NDRG4: variants seen among roughly 807,000 people sequenced by gnomAD.
NDRG4 encodes NDRG family member 4.
In NDRG4, 38 loss-of-function variants were observed where a neutral mutation model predicts 55.8. The ratio of observed to expected loss-of-function variants is 0.68; its 90% confidence interval spans 0.53 to 0.89. The LOEUF (loss-of-function observed/expected upper bound fraction) is 0.89, where lower values mean the gene tolerates loss of function less well. Ranked by LOEUF, NDRG4 falls within the 40% of genes least tolerant of loss-of-function variation. NDRG4 has a pLI of 0.00. For synonymous variants in NDRG4, 190 were observed against 182.7 expected (o/e 1.04, Z -0.32); for missense variants, 455 against 468.6 (o/e 0.97, Z 0.27).
intron 1 of NDRG4, among the ~76,000 whole-genome samples, chr16:58,472,489 C>T (rs559875759): frequency 3.9e-5 from 6 of 152,280 alleles, no homozygotes; most frequent in East Asian, 3.9e-4. Context: ...CACTGGGGCC[C>T]GGCTGCCTGT....
intron 2 of NDRG4, among the ~76,000 whole-genome samples, chr16:58,491,452 T>A (rs1426302222): frequency 1.3e-5 from 1 of 76,628 alleles, no homozygotes; most frequent in African/African-American, 5.4e-5. Context: ...TCCATCCTTT[T>A]CACTTTTTTT....
chr16:58,487,764 C>T, exon 2 of NDRG4: 1 of 1,542,472 alleles, frequency 6.5e-7, no homozygotes, highest in Non-Finnish European at 8.7e-7. Flanking sequence ...AGGCCTCCTG[C>T]TCCACGACGT....
intron 1 of NDRG4, among the ~76,000 whole-genome samples, chr16:58,474,285 C>A (rs2033313243): frequency 6.6e-6 from 1 of 152,188 alleles, no homozygotes; most frequent in Non-Finnish European, 1.5e-5. Context: ...TCAAGCCGTG[C>A]ACCTGCCTTA....
At chr16:58,471,670 C>T (rs964639539) in intron 1 of NDRG4, among the ~76,000 whole-genome samples, 9 of 152,242 alleles carry the variant, frequency 5.9e-5, no homozygotes, top group South Asian at 2.1e-4. Flanking sequence ...TGGAATGTAT[C>T]GCCAGCCAGA....
At chr16:58,506,212 CTG>C (rs772748535) in intron 5 of NDRG4, 173 bp from the exon 6 acceptor site, 2 of 686,822 alleles carry the variant, frequency 2.9e-6, no homozygotes, top group South Asian at 3.0e-5. Flanking sequence ...AATCCAAGAA[CTG>C]TGAAGGGTTC....
chr16:58,515,009 A>G (rs183793323), downstream of NDRG4, among the ~76,000 whole-genome samples: 55 of 152,324 alleles, frequency 3.6e-4, no homozygotes, highest in Non-Finnish European at 6.6e-4. Context: ...GTACTGGCAA[A>G]TAAGGGCAGA....
intron 10 of NDRG4, among the ~76,000 whole-genome samples, chr16:58,508,743 G>A (rs899114071): frequency 1.4e-4 from 21 of 152,224 alleles, no homozygotes; most frequent in African/African-American, 4.8e-4. Context: ...TGGGCTCCAA[G>A]GGTCCCAGGC....
chr16:58,494,270 T>C (rs967809010), intron 2 of NDRG4, among the ~76,000 whole-genome samples: 4 of 152,188 alleles, frequency 2.6e-5, no homozygotes, highest in African/African-American at 9.6e-5. Flanking sequence ...CGACCAGGTC[T>C]GGAGAGGTGG....
chr16:58,504,732 C>T, intron 5 of NDRG4, 83 bp downstream of exon 5: 1 of 1,498,358 alleles, frequency 6.7e-7, no homozygotes, highest in African/African-American at 1.4e-5. Flanking sequence ...GGGAACCCTT[C>T]AGCCTTGAGG....
chr16:58,493,642 T>C (rs2036043593), intron 2 of NDRG4, among the ~76,000 whole-genome samples: 1 of 152,228 alleles, frequency 6.6e-6, no homozygotes, highest in Non-Finnish European at 1.5e-5. Flanking sequence ...GGCAGAACGA[T>C]GGGCAACACT....
At chr16:58,500,499 G>A in intron 1 of NDRG4, 1 of 562,274 alleles carries the variant, frequency 1.8e-6, no homozygotes, top group South Asian at 2.1e-5. Flanking sequence ...AGCAGGGGCT[G>A]GGGGGAGCGT....
At chr16:58,498,553 A>G (rs2036667342), upstream of NDRG4, among the ~76,000 whole-genome samples, 1 of 152,182 alleles carries the variant, frequency 6.6e-6, no homozygotes, top group Non-Finnish European at 1.5e-5. Flanking sequence ...TCAGCAAGAC[A>G]GGGAGAGGAA....
At chr16:58,497,806 C>A (rs2036578618), upstream of NDRG4, among the ~76,000 whole-genome samples, 1 of 152,316 alleles carries the variant, frequency 6.6e-6, no homozygotes, top group Middle Eastern at 3.4e-3. Flanking sequence ...GAGAGGCACA[C>A]AGGCTGCCTC....
At chr16:58,498,239 G>C (rs2036625628), upstream of NDRG4, among the ~76,000 whole-genome samples, 1 of 152,138 alleles carries the variant, frequency 6.6e-6, no homozygotes, top group Non-Finnish European at 1.5e-5. Flanking sequence ...CTCTTCCTGT[G>C]CCACAGTGCC....
Position 58,464,971 on chromosome 16 carries a change from A to T in NDRG4, c.-24+1174A>T, listed in dbSNP as rs2151525031. The T allele has an allele frequency of 2.5e-6, 3 of 1,196,318 alleles. No homozygotes were observed. Among genetic ancestry groups the T allele is most frequent in the South Asian group, 1.5e-5 (1 of 65,964 alleles). The allele number at this position is 1,196,318 out of a possible 1,614,324, so 74.1% of individuals were successfully genotyped here. A position where few individuals can be genotyped will look rare whatever the true frequency, so the allele number is the denominator to read the frequency against. Reference sequence around the variant, plus strand: ...TGGACCCTACTGACTGGGGACCCTCAGCCTTGGGGCTCCTCTGGAGAAGTG... The same window carrying T: ...TGGACCCTACTGACTGGGGACCCTCTGCCTTGGGGCTCCTCTGGAGAAGTG... On this transcript the variant is annotated intron_variant, in intron 1 of 15. Coordinates refer to the NDRG4 transcript ENST00000258187. The surrounding 1 kb of genome is among the most constrained non-coding windows in gnomAD (Gnocchi z 4.8).
chr16:58,472,904 C>T (rs775058126), intron 1 of NDRG4, among the ~76,000 whole-genome samples: 1 of 152,116 alleles, frequency 6.6e-6, no homozygotes, highest in Non-Finnish European at 1.5e-5. Flanking sequence ...GGCCACCCAA[C>T]CCCTCTGTCT....
intron 1 of NDRG4, among the ~76,000 whole-genome samples, chr16:58,478,414 A>T (rs1379800318): frequency 6.6e-6 from 1 of 151,698 alleles, no homozygotes; most frequent in African/African-American, 2.4e-5. Context: ...TGTCAAGGTT[A>T]TAAAAGATGG....
At chr16:58,484,883 C>CTTTTT (rs572251728) in intron 1 of NDRG4, among the ~76,000 whole-genome samples, 2 of 133,906 alleles carry the variant, frequency 1.5e-5, no homozygotes, top group African/African-American at 2.8e-5. Flanking sequence ...TCATAACTTA[C>CTTTTT]TTTTTTTTTT....
chr16:58,504,934 C>G (rs2037657238), intron 5 of NDRG4, among the ~76,000 whole-genome samples: 1 of 152,218 alleles, frequency 6.6e-6, no homozygotes, highest in African/African-American at 2.4e-5. Flanking sequence ...TAGCAACAAA[C>G]TATACAACTA....
Sources: allele counts gnomAD v4.1 joint callset (sites outside exome capture counted in the v4.1 genomes callset), GRCh38; gene constraint gnomAD v4.1.1; non-coding constraint Gnocchi (gnomAD v3.1); transcripts MANE v1.5; gene names NCBI Gene and HGNC (gene_info 2026-07-23, HGNC 2026-07-21).